Variants in CNTNAP5 observed in about 807,000 individuals in gnomAD.
CNTNAP5 encodes contactin associated protein family member 5, also known as contactin-associated protein-like 5.
Under a neutral mutation model 150.2 loss-of-function variants are expected in CNTNAP5, and 72 were observed. That is an observed-to-expected ratio of 0.48 (90% CI 0.40 to 0.58). The LOEUF (loss-of-function observed/expected upper bound fraction) is 0.58, where lower values mean the gene tolerates loss of function less well. CNTNAP5 is among the 20% of genes least tolerant of loss of function. The probability of loss-of-function intolerance (pLI) is 0.00; values close to 1 mark genes in which losing one functional copy is unlikely to be tolerated. For missense variants in CNTNAP5, 1,636 were observed against 1,626.2 expected (o/e 1.01, Z -0.10); for synonymous variants, 672 against 619.8 (o/e 1.08, Z -1.25).
At position 124,452,400 on chromosome 2, in the gene CNTNAP5, A is replaced by T. The variant is rs557459204; in HGVS notation, c.918+5463A>T. Reference sequence around the variant, plus strand: ...CAGTTGCCACAAGACCTGCCCAAGTAGAGTCTGAGTTCAGACATGCCTAGC... The same window carrying T: ...CAGTTGCCACAAGACCTGCCCAAGTTGAGTCTGAGTTCAGACATGCCTAGC... On this transcript the variant is annotated intron_variant, in intron 6 of 23. Coordinates refer to ENST00000682447, the MANE Select transcript of CNTNAP5 (RefSeq NM_001367498.1). Among the ~76,000 whole-genome samples the T allele has an allele frequency of 2.0e-5, 3 of 152,272 alleles. No individual in the cohort carries two copies. The East Asian group carries it at 5.8e-4, about 29-fold the overall frequency.
chr2:124,355,944 G>A (rs971944895), intron 3 of CNTNAP5, among the ~76,000 whole-genome samples: 14 of 152,212 alleles, frequency 9.2e-5, no homozygotes, highest in South Asian at 2.1e-4. Flanking sequence ...GTTGTAACAC[G>A]TCTGCAAATG....
chr2:124,145,823 A>G (rs1307839362), intron 1 of CNTNAP5, among the ~76,000 whole-genome samples: 4 of 4,312 alleles, frequency 9.3e-4, no homozygotes, highest in Non-Finnish European at 2.0e-3. Context: ...AAAAAAAAAA[A>G]AAAAAGAAGA....
chr2:124,606,746 T>G (rs544314722), intron 11 of CNTNAP5, among the ~76,000 whole-genome samples: 28 of 152,170 alleles, frequency 1.8e-4, no homozygotes, highest in South Asian at 1.5e-3. Flanking sequence ...GCAGGGAAAC[T>G]CTCCCTTTTA....
intron 14 of CNTNAP5, among the ~76,000 whole-genome samples, chr2:124,760,040 G>T (rs1409493409): frequency 7.0e-6 from 1 of 143,544 alleles, no homozygotes; most frequent in Admixed American, 7.4e-5. Context: ...AGAATTATCA[G>T]CAAGCATCAG....
At chr2:124,464,364 T>C (rs999143589) in intron 6 of CNTNAP5, among the ~76,000 whole-genome samples, 4 of 152,066 alleles carry the variant, frequency 2.6e-5, no homozygotes, top group Non-Finnish European at 5.9e-5. Flanking sequence ...GGATAAATTT[T>C]TTGCAGAAAA....
intron 3 of CNTNAP5, among the ~76,000 whole-genome samples, chr2:124,294,562 TG>T (rs1283743510): frequency 6.6e-6 from 1 of 152,134 alleles, no homozygotes; most frequent in African/African-American, 2.4e-5. Context: ...TTTGAAGAAC[TG>T]GAGGAAGGCC....
intron 13 of CNTNAP5, among the ~76,000 whole-genome samples, chr2:124,696,157 A>G (rs1444742371): frequency 2.6e-5 from 4 of 152,180 alleles, no homozygotes; most frequent in Non-Finnish European, 5.9e-5. Flanking sequence ...GGATCCAGAC[A>G]ATGATGGCTG....
chr2:124,908,639 AG>A (rs1678590115), intron 22 of CNTNAP5, among the ~76,000 whole-genome samples: 1 of 152,148 alleles, frequency 6.6e-6, no homozygotes, highest in Non-Finnish European at 1.5e-5. Context: ...CCTCAATAAA[AG>A]CCTCAGGCAT....
intron 1 of CNTNAP5, among the ~76,000 whole-genome samples, chr2:124,111,624 A>T (rs946348371): frequency 6.6e-6 from 1 of 152,236 alleles, no homozygotes; most frequent in African/African-American, 2.4e-5. Flanking sequence ...GTACAACTGA[A>T]ACAAAACCAG....
At chr2:124,890,786 T>G (rs1391261987) in intron 21 of CNTNAP5, among the ~76,000 whole-genome samples, 1 of 152,096 alleles carries the variant, frequency 6.6e-6, no homozygotes, top group African/African-American at 2.4e-5. Context: ...AAGAGCTGAA[T>G]CAAAGTAAAA....
At chr2:124,659,305 TGAGGAAATACC>T (rs1304985066) in intron 13 of CNTNAP5, among the ~76,000 whole-genome samples, 1 of 152,152 alleles carries the variant, frequency 6.6e-6, no homozygotes, top group African/African-American at 2.4e-5. Flanking sequence ...TCAGATCAGA[TGAGGAAATACC>T]AAATGTGCTT....
At chr2:124,879,324 G>A (rs561226564) in intron 21 of CNTNAP5, among the ~76,000 whole-genome samples, 187 of 152,176 alleles carry the variant, frequency 1.2e-3, no homozygotes, top group Middle Eastern at 6.8e-3. Context: ...ACAGGCACAT[G>A]CATGCACACA....
chr2:124,026,116 G>A (rs1680880368), intron 1 of CNTNAP5, among the ~76,000 whole-genome samples: 1 of 152,266 alleles, frequency 6.6e-6, no homozygotes, highest in Admixed American at 6.5e-5. Context: ...CCCAGCCACC[G>A]TGCTCGGTGA....
intron 1 of CNTNAP5, among the ~76,000 whole-genome samples, chr2:124,209,781 A>G (rs757176341): frequency 3.9e-5 from 6 of 152,142 alleles, no homozygotes; most frequent in Non-Finnish European, 1.5e-5. Context: ...TGGTCCTCCT[A>G]GTGGAGGTGG....
At chr2:124,510,321 C>CTATATATCTATATATA (rs1403460082) in intron 8 of CNTNAP5, among the ~76,000 whole-genome samples, 3 of 40,090 alleles carry the variant, frequency 7.5e-5, no homozygotes, top group African/African-American at 3.1e-4. Flanking sequence ...ATCTATATAT[C>CTATATATCTATATATA]TATCTATATA....
chr2:124,150,357 A>G (rs939667209), intron 1 of CNTNAP5, among the ~76,000 whole-genome samples: 10 of 152,212 alleles, frequency 6.6e-5, no homozygotes, highest in African/African-American at 2.4e-4. Context: ...TACCTCATGG[A>G]GGTTGTAGTT....
At chr2:124,240,015 T>C (rs1470426734) in intron 2 of CNTNAP5, among the ~76,000 whole-genome samples, 3 of 152,090 alleles carry the variant, frequency 2.0e-5, no homozygotes, top group Non-Finnish European at 4.4e-5. Context: ...TTTTTTCCTG[T>C]TGAAGAATAA....
At chr2:124,533,042 C>G (rs1477921885) in intron 10 of CNTNAP5, among the ~76,000 whole-genome samples, 1 of 151,872 alleles carries the variant, frequency 6.6e-6, no homozygotes, top group Non-Finnish European at 1.5e-5. Context: ...TTTGTCCCCC[C>G]TCCCAAATCA....
chr2:124,025,552 G>T lies in CNTNAP5; in HGVS notation c.-99G>T. 4.0e-6 allele frequency: 4 copies of T among 1,005,748 alleles called. No individual in the cohort carries two copies. Among genetic ancestry groups the T allele is most frequent in the Non-Finnish European group, 6.3e-6 (4 of 635,892 alleles). The allele number at this position is 1,005,748 out of a possible 1,614,324, so 62.3% of individuals were successfully genotyped here. A position where few individuals can be genotyped will look rare whatever the true frequency, so the allele number is the denominator to read the frequency against. ...GTGCCTCTCCAAGCGGGGGTGGGAG[G>T]GGGTCAGGCTGTGCAGAGGAGAGAG... On this transcript the variant is annotated 5_prime_UTR_variant, in exon 1 of 24. Transcript: ENST00000682447.
Sources: allele counts gnomAD v4.1 joint callset (sites outside exome capture counted in the v4.1 genomes callset), GRCh38; gene constraint gnomAD v4.1.1; transcripts MANE v1.5; gene names NCBI Gene and HGNC (gene_info 2026-07-23, HGNC 2026-07-21).